TTC38: variants seen among roughly 807,000 people sequenced by gnomAD.
TTC38 encodes tetratricopeptide repeat protein 38.
Under a neutral mutation model 64.2 loss-of-function variants are expected in TTC38, and 64 were observed. That is an observed-to-expected ratio of 1.00 (90% CI 0.81 to 1.23). The LOEUF (loss-of-function observed/expected upper bound fraction) is 1.23. TTC38 is among the 50% of genes most tolerant of loss of function. The pLI, the probability that TTC38 is intolerant of heterozygous loss-of-function variation, is 0.00. For synonymous variants in TTC38, 254 were observed against 249.3 expected (o/e 1.02, Z -0.18); for missense variants, 573 against 615.5 (o/e 0.93, Z 0.73).
At position 46,281,577 on chromosome 22, in the gene TTC38, C is replaced by A; in HGVS notation, c.616-22C>A. On this transcript the variant is annotated intron_variant, in intron 6 of 13. Transcript: ENST00000381031. The surrounding 1 kb of genome is among the most constrained non-coding windows in gnomAD (Gnocchi z 5.2). ...TGACTGATCTGCTTTATCTGGAATC[C>A]TCTTCCCCGCACCCTGCGTAGGCTT... The A allele has an allele frequency of 6.2e-7, 1 of 1,613,042 alleles. No individual in the cohort carries two copies. Among genetic ancestry groups the A allele is most frequent in the South Asian group, 1.1e-5 (1 of 91,056 alleles).
Position 46,275,289 on chromosome 22 carries a change from A to G in TTC38, c.407A>G (p.Gln136Arg). Residue 136 changes from glutamine to arginine, a missense_variant, in exon 5 of 14, where the codon CAG becomes CGG. Around this residue, in one of 3 missense-constraint regions of TTC38, gnomAD observed 68 missense variants for 107.3 expected, o/e 0.63. Transcript: ENST00000381031. The surrounding 1 kb of genome is among the most constrained non-coding windows in gnomAD (Gnocchi z 4.5). ...KACELWEQIL[Q>R]DHPTDMLALK... is the part of the protein sequence containing the mutation. ...TGTGAACTATGGGAACAGATTCTCC[A>G]GGACCACCCGACAGACATGTTGGCC... The G allele has an allele frequency of 6.2e-7, 1 of 1,614,196 alleles. No homozygotes were observed. Among genetic ancestry groups the G allele is most frequent in the Non-Finnish European group, 8.5e-7 (1 of 1,180,032 alleles).
In TTC38 at chr22:46,293,070, C is replaced by T; in HGVS notation, c.*186C>T. ...TTAAATGTGATTCCGAATCTCCTTT[C>T]AGTCCTCGAGAAGGGCCAATGAGCA... On this transcript the variant is annotated 3_prime_UTR_variant, in exon 14 of 14. Coordinates refer to ENST00000381031, the MANE Select transcript of TTC38 (RefSeq NM_017931.4). This position sits in a 1 kb window ranked among gnomAD's most constrained non-coding sequence, Gnocchi z 6.6. 1.7e-6 allele frequency: 1 copy of T among 578,330 alleles called. No homozygotes were observed. 35.8% of individuals were successfully genotyped at this position (578,330 alleles called of 1,614,324 possible).
At position 46,276,310 on chromosome 22, in the gene TTC38, G is replaced by A. The variant is rs1201596262; in HGVS notation, c.539+889G>A. On this transcript the variant is annotated intron_variant, in intron 5 of 13. Coordinates refer to ENST00000381031, the MANE Select transcript of TTC38 (RefSeq NM_017931.4). This position sits in a 1 kb window ranked among gnomAD's most constrained non-coding sequence, Gnocchi z 4.7. ...AGAATTTCTTCTTCTAGGGGCCTCC[G>A]TCTTTCTCTTAAGGCCTTTAACTGA... 2.6e-5 allele frequency among the ~76,000 whole-genome samples: 4 copies of A among 152,078 alleles called. No homozygotes were observed. Among genetic ancestry groups the A allele is most frequent in the Non-Finnish European group, 5.9e-5 (4 of 68,024 alleles).
Position 46,276,811 on chromosome 22 carries a change from A to AATATATATATTAAATATAT in TTC38, c.539+1401_539+1419dup, listed in dbSNP as rs916891339. Among the ~76,000 whole-genome samples the AATATATATATTAAATATAT allele has an allele frequency of 7.2e-6, 1 of 138,184 alleles. No homozygotes were observed. Among genetic ancestry groups the AATATATATATTAAATATAT allele is most frequent in the East Asian group, 2.0e-4 (1 of 5,124 alleles). 90.7% of individuals were successfully genotyped at this position (138,184 alleles called of 152,430 possible). On this transcript the variant is annotated intron_variant, in intron 5 of 13. Transcript: ENST00000381031. The surrounding 1 kb of genome is among the most constrained non-coding windows in gnomAD (Gnocchi z 4.7). ...ATATATATTAAAAATTATATATTAA[A>AATATATATATTAAATATAT]ATATATATATTAAATATATATATAT...
rs1009257455 is a variant in TTC38, at chr22:46,275,597, G to T, written c.539+176G>T. Among the ~76,000 whole-genome samples, 3 of 152,150 alleles carry T rather than the reference G, an allele frequency of 2.0e-5. No individual in the cohort carries two copies. The highest frequency in any genetic ancestry group is 7.2e-5 in the African/African-American group (3 of 41,416). On this transcript the variant is annotated intron_variant, in intron 5 of 13. Coordinates refer to ENST00000381031, the MANE Select transcript of TTC38 (RefSeq NM_017931.4). This position sits in a 1 kb window ranked among gnomAD's most constrained non-coding sequence, Gnocchi z 4.5. ...TTCACTTGATTTTCATCCCACCTGT[G>T]AATGAGGTAGTACCATTATGTATCA...
In TTC38 at chr22:46,291,816, C is replaced by T. The variant is rs1328573135; in HGVS notation, c.1317-975C>T. On this transcript the variant is annotated intron_variant, in intron 13 of 13. Coordinates refer to ENST00000381031, the MANE Select transcript of TTC38 (RefSeq NM_017931.4). This position sits in a 1 kb window ranked among gnomAD's most constrained non-coding sequence, Gnocchi z 4.6. ...CTAAAAATACAAAAAATTAGCCGGG[C>T]GTGGTGGTGGGTACCTGTAATCCCG... 1.3e-5 allele frequency among the ~76,000 whole-genome samples: 2 copies of T among 152,060 alleles called. No individual in the cohort carries two copies. The highest frequency in any genetic ancestry group is 2.4e-5 in the African/African-American group (1 of 41,386).
At chr22:46,284,131 C>CCAA in intron 8 of TTC38, 99 bp downstream of exon 8, 1 of 980,620 alleles carries the variant, frequency 1.0e-6, no homozygotes, top group Non-Finnish European at 1.6e-6. Context: ...CCGTTGGAGC[C>CCAA]CTGATGCAAT....
intron 5 of TTC38, among the ~76,000 whole-genome samples, chr22:46,277,674 C>A (rs2077503210): frequency 1.3e-5 from 2 of 151,892 alleles, no homozygotes; most frequent in South Asian, 2.1e-4. Context: ...GTCTTCTAGC[C>A]CATCCTGGGC....
In TTC38 at chr22:46,271,703, GT is replaced by G. The variant is rs1936900414; in HGVS notation, c.112-628del. 1.3e-5 allele frequency among the ~76,000 whole-genome samples: 2 copies of G among 149,654 alleles called. No individual in the cohort carries two copies. Among genetic ancestry groups the G allele is most frequent in the Non-Finnish European group, 2.9e-5 (2 of 68,042 alleles). On this transcript the variant is annotated intron_variant, in intron 2 of 13. Coordinates refer to ENST00000381031, the MANE Select transcript of TTC38 (RefSeq NM_017931.4). This position sits in a 1 kb window ranked among gnomAD's most constrained non-coding sequence, Gnocchi z 5.5. ...TTTTTGTATTATTTGTAGAGACAGA[GT>G]TTTGCCATGTTGGCCAGGCTGGTCT...
Position 46,275,937 on chromosome 22 carries a change from C to T in TTC38, c.539+516C>T, listed in dbSNP as rs1436485535. On this transcript the variant is annotated intron_variant, in intron 5 of 13. Coordinates refer to ENST00000381031, the MANE Select transcript of TTC38 (RefSeq NM_017931.4). This position sits in a 1 kb window ranked among gnomAD's most constrained non-coding sequence, Gnocchi z 4.5. Reference sequence around the variant, plus strand: ...AGAACTGATCACATGACCTCACCCACCCACAAGAGACCAGGAAGTACAGTT... The same window carrying T: ...AGAACTGATCACATGACCTCACCCATCCACAAGAGACCAGGAAGTACAGTT... Among the ~76,000 whole-genome samples, 1 of 152,066 alleles carries T rather than the reference C, an allele frequency of 6.6e-6. No individual in the cohort carries two copies. The highest frequency in any genetic ancestry group is 1.5e-5 in the Non-Finnish European group (1 of 67,938).
intron 8 of TTC38, among the ~76,000 whole-genome samples, chr22:46,284,912 C>CATGAAA (rs1160507529): frequency 1.4e-5 from 2 of 144,570 alleles, no homozygotes; most frequent in African/African-American, 5.1e-5. Context: ...GAAAGAAATA[C>CATGAAA]ATGAAAAAGC....
In TTC38 at chr22:46,274,232, C is replaced by G. The variant is rs1045947736; in HGVS notation, c.365+163C>G. ...TGGAAAATCGCATCCTGTCTGCTTC[C>G]CTATTCTTGGTGGAGTGCTGAGTGA... is the stretch of plus-strand genomic sequence containing the variant. On this transcript the variant is annotated intron_variant, in intron 4 of 13. Coordinates refer to ENST00000381031, the MANE Select transcript of TTC38 (RefSeq NM_017931.4). The surrounding 1 kb of genome is among the most constrained non-coding windows in gnomAD (Gnocchi z 4.8). 4.6e-5 allele frequency among the ~76,000 whole-genome samples: 7 copies of G among 152,064 alleles called. No homozygotes were observed. The highest frequency in any genetic ancestry group is 8.8e-5 in the Non-Finnish European group (6 of 68,016).
chr22:46,270,987 G>A lies in TTC38; in HGVS notation c.112-1348G>A, dbSNP rs1936882366. Among the ~76,000 whole-genome samples the A allele has an allele frequency of 6.6e-6, 1 of 152,072 alleles. No individual in the cohort carries two copies. Among genetic ancestry groups the A allele is most frequent in the Non-Finnish European group, 1.5e-5 (1 of 68,040 alleles). Reference sequence around the variant, plus strand: ...AGATCGTGCCATTGCACTCCAGCCTGGGTGACAGGGCAAGATTCTGTCTCA... The same window carrying A: ...AGATCGTGCCATTGCACTCCAGCCTAGGTGACAGGGCAAGATTCTGTCTCA... On this transcript the variant is annotated intron_variant, in intron 2 of 13. Coordinates refer to ENST00000381031, the MANE Select transcript of TTC38 (RefSeq NM_017931.4). The surrounding 1 kb of genome is among the most constrained non-coding windows in gnomAD (Gnocchi z 4.7).
intron 11 of TTC38, among the ~76,000 whole-genome samples, 180 bp downstream of exon 11, chr22:46,288,768 C>T (rs553281404): frequency 6.6e-6 from 1 of 152,252 alleles, no homozygotes; most frequent in East Asian, 1.9e-4. Flanking sequence ...TGGTGCAGAC[C>T]CCCAAGGTGT....
chr22:46,289,264 C>T (rs978863579), intron 11 of TTC38, 138 bp from the exon 12 acceptor site: 11 of 1,136,250 alleles, frequency 9.7e-6, no homozygotes, highest in African/African-American at 6.2e-5. Flanking sequence ...TGGGCTGCCC[C>T]GCCTGTCACC....
At position 46,283,966 on chromosome 22, in the gene TTC38, T is replaced by C. The variant is rs76418672; in HGVS notation, c.736-7T>C. On this transcript the variant is annotated splice_polypyrimidine_tract_variant and splice_region_variant and intron_variant, in intron 7 of 13. Coordinates refer to ENST00000381031, the MANE Select transcript of TTC38 (RefSeq NM_017931.4). ...TTCATAAATTCTCTTTTTTTTTTTT[T>C]CTCCAGGACTCTGATATGTTGGCTT... 2.9e-5 allele frequency: 46 copies of C among 1,584,720 alleles called. 1 individual carries two copies. In the South Asian group the frequency reaches 3.1e-4, roughly 11 times the overall value.
At position 46,274,951 on chromosome 22, in the gene TTC38, T is replaced by C. The variant is rs1013322770; in HGVS notation, c.366-297T>C. ...GATTCTCCTGCCTCAGCCTCCCGGG[T>C]AGCTGGGATTACAGGCACATATCAC... is the stretch of plus-strand genomic sequence containing the variant. On this transcript the variant is annotated intron_variant, in intron 4 of 13. Transcript: ENST00000381031. The surrounding 1 kb of genome is among the most constrained non-coding windows in gnomAD (Gnocchi z 4.8). Among the ~76,000 whole-genome samples, 2 of 152,120 alleles carry C rather than the reference T, an allele frequency of 1.3e-5. No homozygotes were observed. Among genetic ancestry groups the C allele is most frequent in the Admixed American group, 6.5e-5 (1 of 15,272 alleles).
At position 46,287,004 on chromosome 22, in the gene TTC38, C is replaced by G; in HGVS notation, c.835-69C>G. ...CCCCACCCCACCTGGACAGGCTGAC[C>G]CTGGCTGTGCCTGCAGCCCCATCAT... On this transcript the variant is annotated intron_variant, in intron 9 of 13. Transcript: ENST00000381031. The G allele has an allele frequency of 5.3e-6, 7 of 1,311,258 alleles. No homozygotes were observed. The South Asian group carries it at 6.5e-5, about 12-fold the overall frequency. 81.2% of individuals were successfully genotyped at this position (1,311,258 alleles called of 1,614,324 possible).
At chr22:46,290,309 C>G (rs939129026) in intron 13 of TTC38, among the ~76,000 whole-genome samples, 6 of 152,210 alleles carry the variant, frequency 3.9e-5, no homozygotes, top group African/African-American at 1.2e-4. Context: ...GAGCAGTGAG[C>G]AGGCACACCA....
Sources: allele counts gnomAD v4.1 joint callset (sites outside exome capture counted in the v4.1 genomes callset), GRCh38; gene constraint gnomAD v4.1.1; regional missense constraint gnomAD v4.1.1; non-coding constraint Gnocchi (gnomAD v3.1); transcripts MANE v1.5; gene names NCBI Gene and HGNC (gene_info 2026-07-23, HGNC 2026-07-21).